Variants in ZPBP observed in about 807,000 individuals in gnomAD.
ZPBP encodes zona pellucida-binding protein 1.
ZPBP carries 26 observed loss-of-function variants against 44.8 expected under a neutral mutation model. That is an observed-to-expected ratio of 0.58 (90% confidence interval 0.43 to 0.81). ZPBP has a LOEUF of 0.81. Among genes scored for constraint, ZPBP ranks in the 30% least tolerant of loss-of-function variants. The pLI, the probability that ZPBP is intolerant of heterozygous loss-of-function variation, is 0.00. For synonymous variants in ZPBP, 174 were observed against 153.2 expected (o/e 1.14, Z -1.00); for missense variants, 409 against 434.0 (o/e 0.94, Z 0.51).
intron 1 of ZPBP, among the ~76,000 whole-genome samples, chr7:49,930,161 A>T (rs1238290681): frequency 6.6e-6 from 1 of 152,196 alleles, no homozygotes. Flanking sequence ...TGCACTAAGG[A>T]CTGGGGGCAA....
chr7:49,966,173 T>C (rs2128767171), intron 7 of ZPBP, among the ~76,000 whole-genome samples: 1 of 152,214 alleles, frequency 6.6e-6, no homozygotes, highest in Non-Finnish European at 1.5e-5. Context: ...ATAATTTTAG[T>C]CAGAAACATA....
At chr7:50,080,490 A>G (rs1470218415) in intron 3 of ZPBP, among the ~76,000 whole-genome samples, 1 of 151,718 alleles carries the variant, frequency 6.6e-6, no homozygotes, top group Non-Finnish European at 1.5e-5. Context: ...TGCAATATAA[A>G]CTGCAAGACC....
downstream of ZPBP, among the ~76,000 whole-genome samples, chr7:49,847,209 C>T (rs919050903): frequency 2.5e-4 from 37 of 148,790 alleles, no homozygotes; most frequent in African/African-American, 8.8e-4. Context: ...ATGTGTGAAC[C>T]TATTATAATA....
chr7:50,038,255 C>G (rs967849587), intron 4 of ZPBP, among the ~76,000 whole-genome samples: 2 of 152,172 alleles, frequency 1.3e-5, no homozygotes, highest in Non-Finnish European at 2.9e-5. Flanking sequence ...GGCTGCAGAA[C>G]AGAAAGCTCT....
intron 6 of ZPBP, among the ~76,000 whole-genome samples, chr7:50,012,454 T>C (rs1159985761): frequency 6.6e-6 from 1 of 151,608 alleles, no homozygotes; most frequent in Admixed American, 6.6e-5. Flanking sequence ...GCCACTATAG[T>C]CCAAATATCA....
intron 1 of ZPBP, among the ~76,000 whole-genome samples, chr7:49,931,868 G>A (rs1398171828): frequency 6.6e-6 from 1 of 152,232 alleles, no homozygotes. Context: ...CTGCAGCCTA[G>A]GGCCATGGTG....
At chr7:49,868,327 A>G (rs1790999550) in intron 2 of ZPBP, among the ~76,000 whole-genome samples, 1 of 152,180 alleles carries the variant, frequency 6.6e-6, no homozygotes, top group African/African-American at 2.4e-5. Context: ...TCTTTAGCCA[A>G]GTCAATTTTG....
intron 5 of ZPBP, among the ~76,000 whole-genome samples, chr7:50,019,992 A>G (rs554674761): frequency 6.7e-4 from 101 of 151,866 alleles, no homozygotes; most frequent in African/African-American, 2.3e-3. Context: ...AGGTTGCAGT[A>G]AGCTGAGATC....
At chr7:49,966,346 T>A (rs2128767260) in intron 7 of ZPBP, among the ~76,000 whole-genome samples, 2 of 152,282 alleles carry the variant, frequency 1.3e-5, no homozygotes, top group Middle Eastern at 6.8e-3. Flanking sequence ...TATCAATATA[T>A]GTGTCTCCAT....
chr7:49,979,847 A>AT (rs1491093477), intron 7 of ZPBP, among the ~76,000 whole-genome samples: 3 of 68,962 alleles, frequency 4.4e-5, no homozygotes, highest in African/African-American at 1.2e-4. Flanking sequence ...ATATATATAT[A>AT]AAATATATAT....
chr7:49,969,803 G>GTGTA (rs1796212217), intron 7 of ZPBP, among the ~76,000 whole-genome samples: 1 of 133,254 alleles, frequency 7.5e-6, no homozygotes, highest in East Asian at 2.9e-4. Context: ...GTTAATAAAT[G>GTGTA]TATATATATA....
Position 49,983,379 on chromosome 7 carries a change from C to T in ZPBP, c.924G>A (p.Met308Ile). 6.2e-7 allele frequency: 1 copy of T among 1,613,502 alleles called. No homozygotes were observed. Among genetic ancestry groups the T allele is most frequent in the Non-Finnish European group, 8.5e-7 (1 of 1,179,674 alleles). Residue 308 changes from methionine to isoleucine, a missense_variant, in exon 7 of 8, where the codon ATG (methionine) becomes ATA (isoleucine). Physicochemically the swap from Met to Ile is conservative, Grantham distance 10 (BLOSUM62 1). This residue lies in a region of ZPBP where 42 missense variants were observed against 71.0 expected (regional missense o/e 0.59). Transcript: ENST00000046087. ...WINRCFPGYG[M>I]NVQQHPKCPE... ...GACATTTTGGATGTTGCTGGACATT[C>T]ATTCCATATCCTGGAAAGCAGCGAT...
chr7:49,979,185 C>A (rs1437182299), intron 7 of ZPBP, among the ~76,000 whole-genome samples: 2 of 151,818 alleles, frequency 1.3e-5, no homozygotes, highest in African/African-American at 4.8e-5. Flanking sequence ...GTAACTTCCT[C>A]AAGACTCAAA....
chr7:50,081,636 G>A, intron 3 of ZPBP, 138 bp downstream of exon 3: 1 of 1,054,486 alleles, frequency 9.5e-7, no homozygotes, highest in Admixed American at 2.1e-5. Context: ...TACATTGTTA[G>A]CTCTAACTCC....
At chr7:50,060,638 C>T (rs1169030246) in intron 3 of ZPBP, among the ~76,000 whole-genome samples, 1 of 152,106 alleles carries the variant, frequency 6.6e-6, no homozygotes, top group African/African-American at 2.4e-5. Context: ...CTGAACAGAC[C>T]AGAGTAAGTT....
chr7:50,087,776 A>T (rs1196546739), intron 2 of ZPBP, among the ~76,000 whole-genome samples: 1 of 152,036 alleles, frequency 6.6e-6, no homozygotes, highest in Non-Finnish European at 1.5e-5. Flanking sequence ...GAAATTAAAG[A>T]TCTAAATAAA....
rs28444285 is a variant in ZPBP, at chr7:50,061,624, C to A, written c.335-3483G>T. 4.5e-3 allele frequency among the ~76,000 whole-genome samples: 687 copies of A among 152,330 alleles called. 4 individuals are homozygous for A. Among genetic ancestry groups the A allele is most frequent in the African/African-American group, 0.016 (651 of 41,572 alleles). On this transcript the variant is annotated intron_variant, in intron 3 of 7. Transcript: ENST00000046087. ...TTGATTTTAATGATTTTAATGATTT[C>A]TCCTGGCTATTCCATATTGACAGAG... is the stretch of plus-strand genomic sequence containing the variant.
At chr7:49,851,586 G>A (rs1195846399) in intron 2 of ZPBP, among the ~76,000 whole-genome samples, 7 of 152,246 alleles carry the variant, frequency 4.6e-5, no homozygotes, top group Non-Finnish European at 5.9e-5. Context: ...CAGGCCAGGC[G>A]TGGTGGCTCA....
chr7:50,055,514 T>A (rs1800896837), intron 4 of ZPBP, among the ~76,000 whole-genome samples: 1 of 152,132 alleles, frequency 6.6e-6, no homozygotes, highest in Admixed American at 6.5e-5. Flanking sequence ...ATTCCTAAAT[T>A]GAAATCTGAG....
Sources: gnomAD v4.1 joint callset for allele counts (sites outside exome capture counted in the v4.1 genomes callset) on GRCh38, gnomAD v4.1.1 for gene constraint, gnomAD v4.1.1 regional missense constraint, MANE v1.5 for transcripts, NCBI Gene and HGNC (gene_info 2026-07-23, HGNC 2026-07-21) for gene names.